Variants in PDE1A observed in about 807,000 individuals in gnomAD.
The protein encoded by PDE1A is dual specificity calcium/calmodulin-dependent 3',5'-cyclic nucleotide phosphodiesterase 1A.
In PDE1A, 35 loss-of-function variants were observed where a neutral mutation model predicts 61.7. The observed-to-expected ratio is 0.57, with a 90% CI of 0.43 to 0.75. The LOEUF (loss-of-function observed/expected upper bound fraction) is 0.75. Among genes scored for constraint, PDE1A ranks in the 30% least tolerant of loss-of-function variants. The pLI, the probability that PDE1A is intolerant of heterozygous loss-of-function variation, is 0.00. For synonymous variants in PDE1A, 232 were observed against 213.2 expected (o/e 1.09, Z -0.77); for missense variants, 597 against 630.6 (o/e 0.95, Z 0.57).
intron 11 of PDE1A, among the ~76,000 whole-genome samples, chr2:182,187,862 G>A (rs192637936): frequency 6.3e-4 from 93 of 148,562 alleles, no homozygotes; most frequent in African/African-American, 2.0e-3. Flanking sequence ...CTCATGCCTC[G>A]GCCTCCCGAG....
chr2:182,213,164 C>A (rs572592711), intron 7 of PDE1A, among the ~76,000 whole-genome samples: 1 of 150,460 alleles, frequency 6.6e-6, no homozygotes, highest in African/African-American at 2.5e-5. Flanking sequence ...CAGACTGACA[C>A]CTCACACGGC....
the PDE1A span, among the ~76,000 whole-genome samples, chr2:182,577,933 G>GAAGA: frequency 1.8e-5 from 1 of 56,490 alleles, no homozygotes; most frequent in African/African-American, 7.6e-5. Context: ...AAAGAAAACG[G>GAAGA]AAGGAAGGAA....
At chr2:182,152,412 C>CTTTTTTTTTT (rs559392112) in intron 13 of PDE1A, among the ~76,000 whole-genome samples, 3 of 75,290 alleles carry the variant, frequency 4.0e-5, no homozygotes, top group African/African-American at 5.3e-5. Context: ...TTTTTTTCCT[C>CTTTTTTTTTT]TTTTTTTTTT....
intron 7 of PDE1A, among the ~76,000 whole-genome samples, chr2:182,218,045 T>C (rs1326323522): frequency 5.4e-5 from 8 of 147,568 alleles, no homozygotes; most frequent in Admixed American, 5.4e-4. Context: ...ATAGACTGGA[T>C]TAAGAAAATG....
chr2:182,328,423 G>A (rs1440300231), intron 1 of PDE1A, among the ~76,000 whole-genome samples: 1 of 152,144 alleles, frequency 6.6e-6, no homozygotes, highest in Non-Finnish European at 1.5e-5. Flanking sequence ...GTACATGGAA[G>A]GTCATTATTG....
chr2:182,681,448 C>T, the PDE1A span, among the ~76,000 whole-genome samples: 1 of 151,940 alleles, frequency 6.6e-6, no homozygotes, highest in Admixed American at 6.6e-5. Flanking sequence ...GCTGGGATTA[C>T]AGGCATGAGC....
intron 1 of PDE1A, among the ~76,000 whole-genome samples, chr2:182,424,573 C>T (rs967174053): frequency 4.6e-5 from 7 of 152,118 alleles, no homozygotes; most frequent in South Asian, 2.1e-4. Flanking sequence ...ACGAAGAAAA[C>T]GAAGTGAGGC....
At chr2:182,224,155 A>G (rs1559215699) in intron 6 of PDE1A, among the ~76,000 whole-genome samples, 191 bp from the exon 7 acceptor site, 1 of 151,950 alleles carries the variant, frequency 6.6e-6, no homozygotes, top group Admixed American at 6.6e-5. Context: ...TGATTGTTTC[A>G]TGGCATATAA....
chr2:182,278,401 T>A (rs975024760), intron 1 of PDE1A, among the ~76,000 whole-genome samples: 1 of 152,028 alleles, frequency 6.6e-6, no homozygotes, highest in Non-Finnish European at 1.5e-5. Flanking sequence ...TATTTAACCA[T>A]AAACACTAAA....
the PDE1A span, among the ~76,000 whole-genome samples, chr2:182,686,323 T>G: frequency 6.6e-6 from 1 of 152,210 alleles, no homozygotes. Flanking sequence ...AAAAAAGTAC[T>G]TGTTTATGGT....
chr2:182,484,045 C>T (rs895023956), intron 2 of PDE1A, among the ~76,000 whole-genome samples: 10 of 151,812 alleles, frequency 6.6e-5, no homozygotes, highest in African/African-American at 1.9e-4. Flanking sequence ...ATCTAAATCA[C>T]TACAAAAGAC....
chr2:182,545,409 G>C, the PDE1A span, among the ~76,000 whole-genome samples: 3 of 152,174 alleles, frequency 2.0e-5, no homozygotes, highest in Admixed American at 6.5e-5. Flanking sequence ...CCTCTTCCCT[G>C]CTCAATGTCT....
At chr2:182,492,143 T>C (rs948337678) in intron 2 of PDE1A, among the ~76,000 whole-genome samples, 5 of 152,156 alleles carry the variant, frequency 3.3e-5, no homozygotes, top group Non-Finnish European at 7.4e-5. Flanking sequence ...TTTGTGAATT[T>C]TTTTGTCCAG....
chr2:182,413,670 T>C (rs937796796), intron 1 of PDE1A, among the ~76,000 whole-genome samples: 6 of 152,214 alleles, frequency 3.9e-5, no homozygotes, highest in Non-Finnish European at 7.4e-5. Flanking sequence ...CATATGTTTA[T>C]AGATATTTGG....
At chr2:182,376,411 T>C (rs1296895366) in intron 1 of PDE1A, among the ~76,000 whole-genome samples, 1 of 152,218 alleles carries the variant, frequency 6.6e-6, no homozygotes, top group African/African-American at 2.4e-5. Context: ...TGCCAGTCTC[T>C]TTGCTAAGAC....
In PDE1A at chr2:182,426,756, CT is replaced by C; in HGVS notation, c.-127del. 3 of 1,515,560 alleles carry C rather than the reference CT, an allele frequency of 2.0e-6. No individual in the cohort carries two copies. The highest frequency in any genetic ancestry group is 2.6e-6 in the Non-Finnish European group (3 of 1,136,536). 93.9% of individuals were successfully genotyped at this position (1,515,560 alleles called of 1,614,324 possible). A position where few individuals can be genotyped will look rare whatever the true frequency, so the allele number is the denominator to read the frequency against. ...AAAGAAAAAGTAGTTTCCTCTTTCT[CT>C]TTTTGGGTGCTGGGAGAAAACTTCC... On this transcript the variant is annotated 5_prime_UTR_variant, in exon 1 of 14. It removes the in-frame stop codon of an upstream open reading frame in the 5' UTR. Transcript: ENST00000351439.
chr2:182,180,706 T>A (rs1288651403), intron 13 of PDE1A, among the ~76,000 whole-genome samples: 1 of 151,940 alleles, frequency 6.6e-6, no homozygotes, highest in Non-Finnish European at 1.5e-5. Context: ...ATTCTCCCAG[T>A]CTCTTTCAGG....
At chr2:182,560,332 C>A in the PDE1A span, among the ~76,000 whole-genome samples, 9 of 150,030 alleles carry the variant, frequency 6.0e-5, no homozygotes, top group African/African-American at 9.8e-5. Flanking sequence ...TTTGTCCTTG[C>A]GATAGTTTAC....
chr2:182,572,052 G>A, the PDE1A span, among the ~76,000 whole-genome samples: 1 of 152,158 alleles, frequency 6.6e-6, no homozygotes, highest in Non-Finnish European at 1.5e-5. Context: ...TATAATTCCT[G>A]AGAGGCAGAG....
Sources: allele counts gnomAD v4.1 joint callset (sites outside exome capture counted in the v4.1 genomes callset), GRCh38; gene constraint gnomAD v4.1.1; transcripts MANE v1.5; gene names NCBI Gene and HGNC (gene_info 2026-07-23, HGNC 2026-07-21).